Variants in KIAA1549 observed in about 807,000 individuals in gnomAD.
KIAA1549 encodes KIAA1549.
A neutral mutation model predicts 156.4 loss-of-function variants in KIAA1549; 70 were observed. That is an observed-to-expected ratio of 0.45 (90% confidence interval 0.37 to 0.55). The LOEUF is 0.55. Ranked by LOEUF, KIAA1549 falls within the 20% of genes least tolerant of loss-of-function variation. The probability of loss-of-function intolerance (pLI) is 0.00; values close to 1 mark genes in which losing one functional copy is unlikely to be tolerated. For synonymous variants in KIAA1549, 1,103 were observed against 1,066.4 expected (o/e 1.03, Z -0.67); for missense variants, 2,428 against 2,540.9 (o/e 0.96, Z 0.96).
chr7:138,908,949 A>C, intron 5 of KIAA1549, 42 bp downstream of exon 5: 1 of 1,607,808 alleles, frequency 6.2e-7, no homozygotes, highest in Non-Finnish European at 8.5e-7. Flanking sequence ...TTTCCCCTTC[A>C]AGGGCTAAAG....
chr7:138,847,572 A>G (rs1213318114), intron 17 of KIAA1549, among the ~76,000 whole-genome samples: 1 of 152,178 alleles, frequency 6.6e-6, no homozygotes, highest in Non-Finnish European at 1.5e-5. Context: ...TTTGTAATAA[A>G]CCAGTGTCCA....
Position 138,918,894 on chromosome 7 carries a change from T to A in KIAA1549, c.732A>T (p.Pro244=). The change falls in exon 2 of 20, where the codon CCA becomes CCT. Residue 244 remains proline (P), a synonymous_variant. Transcript: ENST00000422774. This position sits in a 1 kb window ranked among gnomAD's most constrained non-coding sequence, Gnocchi z 4.2. The part of the protein sequence containing the change: ...SAFRTSEGIV[P]TPGRNLVLYP... ...AAAGCACCAAATTCCTGCCAGGAGT[T>A]GGAACGATGCCCTCAGAGGTGCGAA... 1.9e-6 allele frequency: 3 copies of A among 1,614,036 alleles called. No individual in the cohort carries two copies. The highest frequency in any genetic ancestry group is 2.5e-6 in the Non-Finnish European group (3 of 1,179,888).
intron 1 of KIAA1549, among the ~76,000 whole-genome samples, chr7:138,924,814 C>T (rs1222604521): frequency 2.6e-5 from 4 of 151,994 alleles, no homozygotes; most frequent in African/African-American, 9.7e-5. Flanking sequence ...AATTTCAAGC[C>T]CTGGAGATCA....
chr7:138,919,068 G>A lies in KIAA1549; in HGVS notation c.558C>T (p.Pro186=), dbSNP rs768597905. The A allele has an allele frequency of 9.3e-6, 15 of 1,613,838 alleles. No homozygotes were observed. In the African/African-American group the frequency reaches 2.0e-4, roughly 22 times the overall value. ...TGAGCATAGGTTCTAATGCTTCCCT[G>A]GGCAGCCCTGGTGGGCTGACTGTGA... The part of the protein sequence containing the change: ...QYITVSPPGL[P]REALEPMLTP... Residue 186 remains proline, a synonymous_variant, in exon 2 of 20, where the codon CCC becomes CCT. Transcript: ENST00000422774.
chr7:138,882,447 C>T (rs191327356), intron 10 of KIAA1549, among the ~76,000 whole-genome samples: 33 of 152,280 alleles, frequency 2.2e-4, no homozygotes, highest in African/African-American at 7.0e-4. Flanking sequence ...TTCAAACACG[C>T]TTAATTTGAG....
chr7:138,908,903 A>G (rs909380670), intron 5 of KIAA1549, 88 bp downstream of exon 5: 9 of 1,508,562 alleles, frequency 6.0e-6, no homozygotes, highest in East Asian at 2.3e-5. Flanking sequence ...ACTGGAGGGA[A>G]TAAGAGTTAA....
intron 12 of KIAA1549, among the ~76,000 whole-genome samples, chr7:138,872,322 C>T (rs10954634): frequency 0.45 from 66,908 of 147,122 alleles, 15,778 homozygotes; most frequent in African/African-American, 0.6. Flanking sequence ...CATGTATATT[C>T]AACCACAATA....
intron 1 of KIAA1549, among the ~76,000 whole-genome samples, chr7:138,970,419 G>A (rs1009282968): frequency 6.6e-6 from 1 of 152,158 alleles, no homozygotes; most frequent in Admixed American, 6.5e-5. Context: ...CTCCGAACCC[G>A]CTACTGCTCC....
At chr7:138,896,758 G>C (rs1286714090) in intron 9 of KIAA1549, among the ~76,000 whole-genome samples, 1 of 151,016 alleles carries the variant, frequency 6.6e-6, no homozygotes, top group East Asian at 1.9e-4. Flanking sequence ...ACCATGCCCA[G>C]CTAGCTTATT....
At chr7:138,951,500 T>G (rs987116685) in intron 1 of KIAA1549, among the ~76,000 whole-genome samples, 1 of 152,236 alleles carries the variant, frequency 6.6e-6, no homozygotes, top group South Asian at 2.1e-4. Flanking sequence ...ATGGTCTGCT[T>G]ACACAGGCTG....
Position 138,918,451 on chromosome 7 carries a change from T to C in KIAA1549, c.1175A>G (p.Glu392Gly). Residue 392 changes from glutamate (E) to glycine (G), a missense_variant, in exon 2 of 20, where the codon GAA becomes GGA. By Grantham distance (98) the Glu-to-Gly change is moderately conservative (BLOSUM62 -2). This residue lies in a region of KIAA1549 where 893 missense variants were observed against 847.9 expected (regional missense o/e 1.05). Coordinates refer to ENST00000422774, the MANE Select transcript of KIAA1549 (RefSeq NM_001164665.2). The surrounding 1 kb of genome is among the most constrained non-coding windows in gnomAD (Gnocchi z 4.2). ...FLPSDSSKTS[E>G]LHSNSALPGP... ...GGGGAGGGCTGAATTGCTATGCAAT[T>C]CGGATGTTTTGCTGGAGTCGCTAGG... 1 of 1,613,938 alleles carries C rather than the reference T, an allele frequency of 6.2e-7. No individual in the cohort carries two copies. The highest frequency in any genetic ancestry group is 8.5e-7 in the Non-Finnish European group (1 of 1,179,882).
At chr7:138,977,990 G>C (rs1032041336) in intron 1 of KIAA1549, among the ~76,000 whole-genome samples, 2 of 152,166 alleles carry the variant, frequency 1.3e-5, no homozygotes, top group African/African-American at 4.8e-5. Flanking sequence ...GTGAGCCAGC[G>C]CGCATGGCCA....
At chr7:138,852,099 T>A (rs890910843) in intron 17 of KIAA1549, 124 bp downstream of exon 17, 2 of 613,802 alleles carry the variant, frequency 3.3e-6, no homozygotes, top group Non-Finnish European at 5.7e-6. Flanking sequence ...TCTGGTTAGA[T>A]CAAGAGAATA....
rs2130433441 is a variant in KIAA1549, at chr7:138,894,416, A to G, written c.3958T>C (p.Tyr1320His). The G allele has an allele frequency of 6.2e-7, 1 of 1,614,058 alleles. No homozygotes were observed. Among genetic ancestry groups the G allele is most frequent in the Non-Finnish European group, 8.5e-7 (1 of 1,179,898 alleles). Residue 1320 changes from tyrosine (Y) to histidine (H), a missense_variant, in exon 10 of 20, where the codon TAC becomes CAC. Tyr to His is a moderately conservative substitution (Grantham distance 83). This residue lies in a region of KIAA1549 where 762 missense variants were observed against 901.6 expected (regional missense o/e 0.85). Transcript: ENST00000422774. ...LVVMVIVVIL[Y>H]WKLCRTDKLD... ...TTGTCTGTGCGGCATAGTTTCCAGT[A>G]GAGGATGACAACAATCACCATCACC... is the stretch of plus-strand genomic sequence containing the variant.
At chr7:138,955,286 C>A (rs1253402782) in intron 1 of KIAA1549, among the ~76,000 whole-genome samples, 1 of 152,162 alleles carries the variant, frequency 6.6e-6, no homozygotes, top group Non-Finnish European at 1.5e-5. Context: ...CACATACACA[C>A]AATGGAATAT....
rs369296872 is a variant in KIAA1549, at chr7:138,852,259, T to A, written c.5258A>T (p.Asp1753Val). Residue 1753 changes from aspartate (D) to valine (V), a missense_variant, in exon 17 of 20, where the codon GAC (aspartate) becomes GTC (valine). Asp to Val is a radical substitution (Grantham distance 152). Around this residue, in one of 5 missense-constraint regions of KIAA1549, gnomAD observed 363 missense variants for 354.0 expected, o/e 1.03. Coordinates refer to ENST00000422774, the MANE Select transcript of KIAA1549 (RefSeq NM_001164665.2). The part of the protein sequence containing the change: ...TANNPCSRYE[D>V]YGMTPPTGPL... ...ACCCGTCGGGGGAGTCATTCCATAG[T>A]CTTCGTATCTCTGGAAGACATACAA... The A allele has an allele frequency of 7.5e-6, 12 of 1,607,550 alleles. No homozygotes were observed. In the African/African-American group the frequency reaches 1.5e-4, roughly 20 times the overall value.
At chr7:138,913,083 C>T (rs954771374) in intron 2 of KIAA1549, among the ~76,000 whole-genome samples, 21 of 152,082 alleles carry the variant, frequency 1.4e-4, no homozygotes, top group Non-Finnish European at 2.6e-4. Context: ...ACCGTGTTAG[C>T]CAGGATGGTC....
chr7:138,953,367 C>T (rs1390138384), intron 1 of KIAA1549, among the ~76,000 whole-genome samples: 2 of 151,700 alleles, frequency 1.3e-5, no homozygotes, highest in African/African-American at 4.8e-5. Flanking sequence ...AAAACAAAAA[C>T]AAAAAAATGT....
chr7:138,902,192 C>A (rs1173848700), intron 8 of KIAA1549, among the ~76,000 whole-genome samples: 1 of 152,104 alleles, frequency 6.6e-6, no homozygotes, highest in African/African-American at 2.4e-5. Flanking sequence ...ATTTTAGAAA[C>A]CTAAGGACTA....
Sources: gnomAD v4.1 joint callset for allele counts (sites outside exome capture counted in the v4.1 genomes callset) on GRCh38, gnomAD v4.1.1 for gene constraint, gnomAD v4.1.1 regional missense constraint, Gnocchi (gnomAD v3.1) non-coding constraint, MANE v1.5 for transcripts, NCBI Gene and HGNC (gene_info 2026-07-23, HGNC 2026-07-21) for gene names.